The following PCDHA5 variants were observed in gnomAD, a reference collection of about 807,000 sequenced individuals.
The protein encoded by PCDHA5 is protocadherin alpha-5.
In PCDHA5, 43 loss-of-function variants were observed where a neutral mutation model predicts 61.6. The observed-to-expected ratio is 0.70, with a 90% confidence interval of 0.55 to 0.90. The LOEUF (loss-of-function observed/expected upper bound fraction) is 0.90. Among genes scored for constraint, PCDHA5 ranks in the 40% least tolerant of loss-of-function variants. PCDHA5 has a pLI of 0.00. For missense variants in PCDHA5, 1,298 were observed against 1,222.7 expected (o/e 1.06, Z -0.92); for synonymous variants, 627 against 543.9 (o/e 1.15, Z -2.13).
At chr5:140,907,706 A>G (rs1171479205) in intron 1 of PCDHA5, among the ~76,000 whole-genome samples, 1 of 152,172 alleles carries the variant, frequency 6.6e-6, no homozygotes, top group Non-Finnish European at 1.5e-5. Flanking sequence ...CCTGTTGCTG[A>G]GCCCATGTGT....
Position 140,848,936 on chromosome 5 carries a change from G to A in PCDHA5, c.2352+24809G>A, listed in dbSNP as rs2150425486. ...ATCTGTTCATCGCGGAATCCAGGCC[G>A]CTTGACTCTCGGTTTCCACTAGAGG... is the stretch of plus-strand genomic sequence containing the variant. On this transcript the variant is annotated intron_variant, in intron 1 of 3. Coordinates refer to ENST00000529859, the MANE Select transcript of PCDHA5 (RefSeq NM_018908.3). 2.3e-5 allele frequency: 37 copies of A among 1,607,476 alleles called. No homozygotes were observed. The East Asian group carries it at 6.7e-4, about 29-fold the overall frequency.
chr5:140,886,422 T>G (rs930235903), intron 1 of PCDHA5, among the ~76,000 whole-genome samples: 1 of 152,240 alleles, frequency 6.6e-6, no homozygotes, highest in Non-Finnish European at 1.5e-5. Flanking sequence ...TCCTATATTA[T>G]TTCTATTCAT....
In PCDHA5 at chr5:140,842,940, C is replaced by G. The variant is rs2150348293; in HGVS notation, c.2352+18813C>G. On this transcript the variant is annotated intron_variant, in intron 1 of 3. Transcript: ENST00000529859. ...CAGTTCCAGGTGAGCGCGCGCGACG[C>G]GGGCGTGCCGCCTCTGGGCAGCAAC... The G allele has an allele frequency of 3.8e-6, 6 of 1,594,510 alleles. 1 individual carries two copies. Among genetic ancestry groups the G allele is most frequent in the Admixed American group, 3.4e-5 (2 of 59,306 alleles).
chr5:140,923,189 C>A (rs1452451112), intron 1 of PCDHA5, among the ~76,000 whole-genome samples: 1 of 152,210 alleles, frequency 6.6e-6, no homozygotes, highest in African/African-American at 2.4e-5. Flanking sequence ...GCATCTACTG[C>A]AGCAATTTGG....
intron 1 of PCDHA5, among the ~76,000 whole-genome samples, chr5:140,921,218 T>G (rs1554200138): frequency 6.6e-6 from 1 of 152,126 alleles, no homozygotes; most frequent in African/African-American, 2.4e-5. Context: ...TTCACGTCTT[T>G]TTTGCTAGAT....
intron 1 of PCDHA5, chr5:140,862,898 C>T (rs782019926): frequency 8.8e-5 from 49 of 555,816 alleles, no homozygotes; most frequent in Non-Finnish European, 7.3e-5. Flanking sequence ...ACAACTTTGT[C>T]TGCGCTGCTG....
chr5:140,867,395 T>C (rs1319055963), intron 1 of PCDHA5: 1 of 152,176 alleles, frequency 6.6e-6, no homozygotes, highest in Admixed American at 6.5e-5. Context: ...TTATAAAAGT[T>C]GATATGTCTC....
intron 1 of PCDHA5, chr5:140,835,929 A>G: frequency 6.2e-7 from 1 of 1,612,456 alleles, no homozygotes; most frequent in Non-Finnish European, 8.5e-7. Context: ...GGAGAGCGGC[A>G]AGGTGTACGC....
chr5:140,853,955 T>A, intron 1 of PCDHA5: 1 of 752,642 alleles, frequency 1.3e-6, no homozygotes, highest in Non-Finnish European at 1.7e-6. Flanking sequence ...GGTCCCTTCC[T>A]TGAGCCCAGC....
chr5:140,831,520 C>CTTTTTTT (rs35178185), intron 1 of PCDHA5, among the ~76,000 whole-genome samples: 11 of 122,404 alleles, frequency 9.0e-5, no homozygotes, highest in Non-Finnish European at 1.6e-4. Context: ...TGCCCCCCAC[C>CTTTTTTT]TTTTTTTTTT....
chr5:140,882,129 T>G lies in PCDHA5; in HGVS notation c.2352+58002T>G. 10 of 1,473,110 alleles carry G rather than the reference T, an allele frequency of 6.8e-6. No homozygotes were observed. The South Asian group carries it at 9.9e-5, about 15-fold the overall frequency. The allele number at this position is 1,473,110 out of a possible 1,614,324, so 91.3% of individuals were successfully genotyped here. On this transcript the variant is annotated intron_variant, in intron 1 of 3. Transcript: ENST00000529859. ...AAGAAAGCCGCCGTTTCTTTCTTCC[T>G]GCAGAAAATATAGCAGAAAGCGGAA...
At chr5:140,934,365 A>T (rs2089794268) in intron 1 of PCDHA5, among the ~76,000 whole-genome samples, 1 of 151,884 alleles carries the variant, frequency 6.6e-6, no homozygotes, top group Non-Finnish European at 1.5e-5. Context: ...CACTGCTTTG[A>T]CTCCTTCTGT....
intron 1 of PCDHA5, among the ~76,000 whole-genome samples, chr5:140,827,478 A>G (rs1477917338): frequency 6.6e-6 from 1 of 152,232 alleles, no homozygotes; most frequent in Non-Finnish European, 1.5e-5. Context: ...TTATTGAACA[A>G]AGAAAGCATG....
In PCDHA5 at chr5:140,824,096, G is replaced by A. The variant is rs2150132154; in HGVS notation, c.2321G>A (p.Ser774Asn). 1.2e-6 allele frequency: 2 copies of A among 1,614,190 alleles called. No homozygotes were observed. The highest frequency in any genetic ancestry group is 1.7e-5 in the Admixed American group (1 of 60,030). Residue 774 changes from serine (S) to asparagine (N), a missense_variant, in exon 1 of 4, where the codon AGC (serine) becomes AAC (asparagine). Coordinates refer to ENST00000529859, the MANE Select transcript of PCDHA5 (RefSeq NM_018908.3). ...ACAGACCTCATGGCCTTCAGTCCAA[G>A]CCTTCCTCAGGGTCCCACCTCTACA... Reference protein sequence around the residue: ...PKTDLMAFSPSLPQGPTSTDN... With the variant: ...PKTDLMAFSPNLPQGPTSTDN...
At chr5:140,974,372 G>A (rs782769705) in intron 1 of PCDHA5, among the ~76,000 whole-genome samples, 28 of 152,076 alleles carry the variant, frequency 1.8e-4, no homozygotes, top group Non-Finnish European at 4.0e-4. Flanking sequence ...AGCACTTTCT[G>A]TTGTACTGGA....
At chr5:140,879,025 A>G (rs557183400) in intron 1 of PCDHA5, among the ~76,000 whole-genome samples, 36 of 152,342 alleles carry the variant, frequency 2.4e-4, no homozygotes, top group African/African-American at 8.7e-4. Flanking sequence ...TGTTTTATTG[A>G]AGAGTGTCTT....
At chr5:140,833,383 A>G in intron 1 of PCDHA5, among the ~76,000 whole-genome samples, 1 of 152,336 alleles carries the variant, frequency 6.6e-6, no homozygotes, top group African/African-American at 2.4e-5. Context: ...AAAAAGGATG[A>G]AATACCTCAA....
intron 1 of PCDHA5, among the ~76,000 whole-genome samples, chr5:140,879,972 C>T (rs1005756157): frequency 6.6e-6 from 1 of 152,176 alleles, no homozygotes; most frequent in Non-Finnish European, 1.5e-5. Context: ...AGGATAAACT[C>T]CTTTCAAGAT....
chr5:140,842,589 T>G, intron 1 of PCDHA5: 1 of 1,529,168 alleles, frequency 6.5e-7, no homozygotes, highest in Non-Finnish European at 8.9e-7. Flanking sequence ...GCCTATGAGT[T>G]GGTGGTAACC....
Sources: gnomAD v4.1 joint callset for allele counts (sites outside exome capture counted in the v4.1 genomes callset) on GRCh38, gnomAD v4.1.1 for gene constraint, MANE v1.5 for transcripts, NCBI Gene and HGNC (gene_info 2026-07-23, HGNC 2026-07-21) for gene names.